NDE1: variants seen among roughly 807,000 people sequenced by gnomAD.
NDE1 encodes nuclear distribution protein nudE homolog 1.
NDE1 carries 28 observed loss-of-function variants against 43.4 expected under a neutral mutation model. The observed-to-expected ratio is 0.65, with a 90% confidence interval of 0.48 to 0.89. The LOEUF is 0.89. NDE1 is among the 40% of genes least tolerant of loss of function. NDE1 has a pLI of 0.00. For missense variants in NDE1, 441 were observed against 434.1 expected, an observed-to-expected ratio of 1.02 and a Z score of -0.14; for synonymous variants, 184 against 172.0, an observed-to-expected ratio of 1.07 and a Z score of -0.55.
chr16:15,699,201 C>T (rs1040740090), intron 8 of NDE1, among the ~76,000 whole-genome samples: 3 of 151,700 alleles, frequency 2.0e-5, no homozygotes, highest in African/African-American at 4.8e-5. Flanking sequence ...ATTTTCCAGG[C>T]GATCTTCCCA....
chr16:15,667,203 A>C (rs1204921492), intron 2 of NDE1, 83 bp from the exon 3 acceptor site: 1 of 1,465,592 alleles, frequency 6.8e-7, no homozygotes, highest in African/African-American at 1.4e-5. Context: ...ACGAGATTGC[A>C]GCACTGCATT....
At chr16:15,706,642 G>A (rs756961079) in intron 8 of NDE1, among the ~76,000 whole-genome samples, 73 of 152,050 alleles carry the variant, frequency 4.8e-4, no homozygotes, top group Admixed American at 2.0e-3. Flanking sequence ...AGGAGGTGAA[G>A]GCTGCAGTGA....
At position 15,687,506 on chromosome 16, in the gene NDE1, C is replaced by T; in HGVS notation, c.518C>T (p.Ala173Val). The T allele has an allele frequency of 6.2e-7, 1 of 1,613,834 alleles. No homozygotes were observed. Among genetic ancestry groups the T allele is most frequent in the Non-Finnish European group, 8.5e-7 (1 of 1,179,864 alleles). Residue 173 changes from alanine (A) to valine (V), a missense_variant, in exon 5 of 9, where the codon GCC becomes GTC. Coordinates refer to ENST00000396354, the MANE Select transcript of NDE1 (RefSeq NM_017668.3). ...TCTGTTCAGAGACTGAAGGATGAAG[C>T]CAGAGGTCAGGAGGCCTTGGTGTCT... ...LESVQRLKDE[A>V]RDLRQELAVQ... is the part of the protein sequence containing the mutation.
At chr16:15,669,615 C>G (rs1335845211) in intron 3 of NDE1, among the ~76,000 whole-genome samples, 1 of 152,074 alleles carries the variant, frequency 6.6e-6, no homozygotes, top group Non-Finnish European at 1.5e-5. Flanking sequence ...CCGCCTTAGC[C>G]TCCCAAAGTG....
chr16:15,650,266 G>A lies in NDE1; in HGVS notation c.-72G>A, dbSNP rs2151384513. The stretch of plus-strand genomic sequence containing the variant: ...CTTCGCAGCCGCCTCTGCCGCCGCC[G>A]CCGCGTTGGCCTCGCCGCCCCTGCT... On this transcript the variant is annotated 5_prime_UTR_variant, in exon 1 of 9. Coordinates refer to ENST00000396354, the MANE Select transcript of NDE1 (RefSeq NM_017668.3). The A allele has an allele frequency of 6.5e-6, 2 of 307,534 alleles. No homozygotes were observed. Among genetic ancestry groups the A allele is most frequent in the Non-Finnish European group, 6.7e-6 (1 of 149,160 alleles). The allele number at this position is 307,534 out of a possible 1,614,324, so 19.1% of individuals were successfully genotyped here.
chr16:15,686,359 C>T lies in NDE1; in HGVS notation c.387-1016C>T, dbSNP rs1001282129. 4.1e-6 allele frequency: 4 copies of T among 985,010 alleles called. No homozygotes were observed. The African/African-American group carries it at 7.0e-5, about 17-fold the overall frequency. The allele number at this position is 985,010 out of a possible 1,614,324, so 61.0% of individuals were successfully genotyped here. ...ACTGAGGTGCAGAGAAGGTGGTTTT[C>T]CCAGAATTATAACAGATTGTTTTCT... On this transcript the variant is annotated intron_variant, in intron 4 of 8. Transcript: ENST00000396354.
At chr16:15,645,904 G>C (rs954996618), upstream of NDE1, among the ~76,000 whole-genome samples, 3 of 152,144 alleles carry the variant, frequency 2.0e-5, no homozygotes, top group Admixed American at 2.0e-4. Flanking sequence ...TCAGTGGTTT[G>C]AATTAATAAA....
chr16:15,682,240 G>A (rs1236112933), intron 4 of NDE1, among the ~76,000 whole-genome samples: 2 of 152,104 alleles, frequency 1.3e-5, no homozygotes, highest in Non-Finnish European at 2.9e-5. Context: ...CGCCCCTGCT[G>A]GAGTGCAGTG....
chr16:15,654,026 C>T (rs528783876), intron 1 of NDE1, among the ~76,000 whole-genome samples: 5 of 152,196 alleles, frequency 3.3e-5, no homozygotes, highest in Admixed American at 1.3e-4. Context: ...CCACCACACC[C>T]GGCCGGAAAC....
chr16:15,706,567 C>T (rs942119346), intron 8 of NDE1, among the ~76,000 whole-genome samples: 6 of 152,148 alleles, frequency 3.9e-5, no homozygotes, highest in Middle Eastern at 3.4e-3. Flanking sequence ...ATTAGCCGTG[C>T]GTGGTGGCAG....
At position 15,661,054 on chromosome 16, in the gene NDE1, G is replaced by A. The variant is rs76413015; in HGVS notation, c.-43-3682G>A. On this transcript the variant is annotated intron_variant, in intron 1 of 8. Transcript: ENST00000396354. ...AATTTCAACCCTGAGTTTCAGCTGC[G>A]ATATTGCATCTTGGTGTGTCATGGA... 6.8e-3 allele frequency among the ~76,000 whole-genome samples: 1,031 copies of A among 152,112 alleles called. 8 individuals carry two copies. Among genetic ancestry groups the A allele is most frequent in the African/African-American group, 0.023 (968 of 41,482 alleles).
chr16:15,686,827 G>A (rs949559652), intron 4 of NDE1: 2 of 341,110 alleles, frequency 5.9e-6, no homozygotes, highest in African/African-American at 2.2e-5. Flanking sequence ...AGCCTCCCAA[G>A]TAGCTGGGAT....
intron 8 of NDE1, chr16:15,699,870 C>A (rs780272307): frequency 5.3e-6 from 7 of 1,317,968 alleles, no homozygotes; most frequent in Non-Finnish European, 7.0e-6. Flanking sequence ...GAAGTCGTTA[C>A]CTTTTGTCGT....
At position 15,724,703 on chromosome 16, in the gene NDE1, C is replaced by T. The variant is rs764136209; in HGVS notation, c.*452C>T. On this transcript the variant is annotated 3_prime_UTR_variant, in exon 9 of 9. Coordinates refer to ENST00000396354, the MANE Select transcript of NDE1 (RefSeq NM_017668.3). ...AGGTTCTGCTTGGCCTCCATCTCCT[C>T]GTCCAGCTGGTCTTGCAGGCTGTTC... 7.4e-6 allele frequency: 12 copies of T among 1,614,216 alleles called. No individual in the cohort carries two copies. Among genetic ancestry groups the T allele is most frequent in the African/African-American group, 1.3e-5 (1 of 75,052 alleles).
chr16:15,709,998 C>G (rs1274716921), intron 8 of NDE1, among the ~76,000 whole-genome samples: 3 of 152,314 alleles, frequency 2.0e-5, no homozygotes, highest in African/African-American at 7.2e-5. Flanking sequence ...TCCTTCTTGG[C>G]TGAGGAGCCA....
intron 8 of NDE1, chr16:15,699,697 T>G: frequency 7.5e-7 from 1 of 1,341,742 alleles, no homozygotes. Context: ...ACAGCTGTTA[T>G]GTCAGCTTAA....
rs752974328 is a variant in NDE1, at chr16:15,677,858, G to A, written c.295G>A (p.Asp99Asn). ...GYRQISALED[D>N]LAQTKAIKDQ... ...CCGGCAGATCTCAGCCTTGGAGGAT[G>A]ACCTCGCGCAGACCAAAGCCATTAA... The change falls in exon 4 of 9, where the codon GAC (aspartate) becomes AAC (asparagine). Residue 99 changes from aspartate to asparagine, a missense_variant. Physicochemically the swap from Asp to Asn is conservative, Grantham distance 23. Transcript: ENST00000396354. 2.5e-6 allele frequency: 4 copies of A among 1,613,998 alleles called. No homozygotes were observed. In the East Asian group the frequency reaches 6.7e-5, roughly 27 times the overall value.
chr16:15,721,230 C>T (rs2040460241), intron 8 of NDE1: 7 of 939,274 alleles, frequency 7.5e-6, no homozygotes, highest in East Asian at 2.6e-5. Context: ...CCTCGGACCC[C>T]CCAACTCAGA....
In NDE1 at chr16:15,725,623, A is replaced by G. The variant is rs1202734024; in HGVS notation, c.*1372A>G. 3 of 403,080 alleles carry G rather than the reference A, an allele frequency of 7.4e-6. No individual in the cohort carries two copies. The highest frequency in any genetic ancestry group is 1.3e-5 in the Non-Finnish European group (3 of 228,678). The allele number at this position is 403,080 out of a possible 1,614,324, so 25.0% of individuals were successfully genotyped here. Reference sequence around the variant, plus strand: ...CAAGGAGGATATGAATGATCTTGACACTGCTTATATGAGGGCGGCAAAAGC... The same window carrying G: ...CAAGGAGGATATGAATGATCTTGACGCTGCTTATATGAGGGCGGCAAAAGC... On this transcript the variant is annotated 3_prime_UTR_variant, in exon 9 of 9. Transcript: ENST00000396354.
Sources: allele counts gnomAD v4.1 joint callset (sites outside exome capture counted in the v4.1 genomes callset), GRCh38; gene constraint gnomAD v4.1.1; transcripts MANE v1.5; gene names NCBI Gene and HGNC (gene_info 2026-07-23, HGNC 2026-07-21).